MGAT4C: variants seen among roughly 807,000 people sequenced by gnomAD.
MGAT4C encodes alpha-1,3-mannosyl-glycoprotein 4-beta-N-acetylglucosaminyltransferase C.
A neutral mutation model predicts 40.1 loss-of-function variants in MGAT4C; 19 were observed. The observed-to-expected ratio is 0.47, with a 90% CI of 0.33 to 0.70. MGAT4C has a LOEUF of 0.70. MGAT4C is among the 30% of genes least tolerant of loss of function. MGAT4C has a pLI of 0.02. For synonymous variants in MGAT4C, 181 were observed against 187.1 expected (o/e 0.97, Z 0.27); for missense variants, 491 against 563.2 (o/e 0.87, Z 1.30).
At chr12:86,209,977 A>T (rs1378461994) in intron 1 of MGAT4C, among the ~76,000 whole-genome samples, 1 of 152,162 alleles carries the variant, frequency 6.6e-6, no homozygotes, top group Non-Finnish European at 1.5e-5. Flanking sequence ...TTGCCTCTTA[A>T]TAATTATACA....
intron 1 of MGAT4C, among the ~76,000 whole-genome samples, chr12:86,229,411 G>A (rs549602716): frequency 3.9e-5 from 6 of 151,918 alleles, no homozygotes; most frequent in Non-Finnish European, 8.8e-5. Context: ...AATATAGAAA[G>A]TATAAGATAT....
chr12:86,064,496 A>C (rs1244313748), intron 1 of MGAT4C, among the ~76,000 whole-genome samples: 1 of 152,242 alleles, frequency 6.6e-6, no homozygotes, highest in Non-Finnish European at 1.5e-5. Context: ...GACAGAAATA[A>C]AGATGTTCTT....
At chr12:86,129,230 G>C (rs950144973) in intron 1 of MGAT4C, among the ~76,000 whole-genome samples, 7 of 152,008 alleles carry the variant, frequency 4.6e-5, no homozygotes, top group South Asian at 4.2e-4. Context: ...TTCGTGGGGT[G>C]GGGGGAGATC....
At chr12:86,336,705 C>A (rs1954799068) in intron 3 of MGAT4C, among the ~76,000 whole-genome samples, 1 of 151,936 alleles carries the variant, frequency 6.6e-6, no homozygotes, top group African/African-American at 2.4e-5. Flanking sequence ...ATGTGAAAAC[C>A]TAGAAAGAAG....
At chr12:86,757,443 T>C (rs1274177268) in intron 1 of MGAT4C, among the ~76,000 whole-genome samples, 1 of 152,136 alleles carries the variant, frequency 6.6e-6, no homozygotes, top group Non-Finnish European at 1.5e-5. Context: ...ATAGCCTATG[T>C]TTTTTTCACC....
chr12:86,535,386 T>C (rs562666374), intron 2 of MGAT4C, among the ~76,000 whole-genome samples: 2 of 152,188 alleles, frequency 1.3e-5, no homozygotes, highest in East Asian at 1.9e-4. Context: ...AATAGAGTAA[T>C]GCAATGTCAT....
At chr12:86,636,561 C>A (rs778325611) in intron 2 of MGAT4C, among the ~76,000 whole-genome samples, 2 of 151,960 alleles carry the variant, frequency 1.3e-5, no homozygotes, top group African/African-American at 2.4e-5. Flanking sequence ...CTTGCTTTTT[C>A]TCTCTATGCT....
chr12:86,709,135 A>G (rs1383062658), intron 2 of MGAT4C, among the ~76,000 whole-genome samples: 1 of 152,126 alleles, frequency 6.6e-6, no homozygotes, highest in Admixed American at 6.6e-5. Flanking sequence ...TCATGGGGAC[A>G]GGTCTTTCCC....
intron 2 of MGAT4C, among the ~76,000 whole-genome samples, chr12:85,990,736 T>C (rs1356452758): frequency 6.6e-6 from 1 of 152,220 alleles, no homozygotes; most frequent in African/African-American, 2.4e-5. Flanking sequence ...ATGAAAGTGC[T>C]ATACATATTA....
chr12:86,473,973 G>T (rs1324502273), intron 2 of MGAT4C, among the ~76,000 whole-genome samples: 1 of 152,022 alleles, frequency 6.6e-6, no homozygotes, highest in African/African-American at 2.4e-5. Flanking sequence ...TTGTGTCACA[G>T]ATTTTTTGTT....
intron 2 of MGAT4C, among the ~76,000 whole-genome samples, chr12:86,661,735 C>T (rs1374526855): frequency 1.3e-5 from 2 of 151,970 alleles, no homozygotes; most frequent in African/African-American, 2.4e-5. Flanking sequence ...CACTTGAGGT[C>T]AGGTTCGAGA....
At chr12:86,533,610 C>T (rs1262362070) in intron 2 of MGAT4C, among the ~76,000 whole-genome samples, 1 of 151,416 alleles carries the variant, frequency 6.6e-6, no homozygotes, top group African/African-American at 2.4e-5. Flanking sequence ...ATTATTTATA[C>T]ACACTATGTA....
rs1479595272 is a variant in MGAT4C at position 85,974,444 on chromosome 12, A to T, written c.*4845T>A. ...ACTTACACAACACATATACAAATACATACATGTATATATGTATATATATAC... is the reference window on the plus strand; with the variant it reads ...ACTTACACAACACATATACAAATACTTACATGTATATATGTATATATATAC... On this transcript the variant is annotated 3_prime_UTR_variant, in exon 5 of 5. Transcript: ENST00000611864. The T allele has an allele frequency of 2.0e-5, 3 of 150,652 alleles. No homozygotes were observed. Among genetic ancestry groups the T allele is most frequent in the Non-Finnish European group, 4.5e-5 (3 of 66,984 alleles). 9.3% of individuals were successfully genotyped at this position (150,652 alleles called of 1,614,324 possible).
At chr12:86,424,958 G>A (rs564255369) in intron 3 of MGAT4C, among the ~76,000 whole-genome samples, 21 of 151,946 alleles carry the variant, frequency 1.4e-4, no homozygotes, top group African/African-American at 4.4e-4. Flanking sequence ...GGGTTTCACC[G>A]TGTTAGCCAG....
In MGAT4C at chr12:86,181,763, G is replaced by A. The variant is rs185307049; in HGVS notation, c.-57+74476C>T. ...GTTTAAAATTTTGCTCATGTTTTTC[G>A]TTTCAGCAAATAAAAGCAATAGGTC... On this transcript the variant is annotated intron_variant, in intron 1 of 4. Transcript: ENST00000611864. Among the ~76,000 whole-genome samples, 287 of 151,884 alleles carry A rather than the reference G, an allele frequency of 1.9e-3. 1 individual carries two copies. Among genetic ancestry groups the A allele is most frequent in the African/African-American group, 6.2e-3 (259 of 41,474 alleles).
intron 3 of MGAT4C, among the ~76,000 whole-genome samples, chr12:86,424,887 G>C (rs1270367592): frequency 6.6e-6 from 1 of 152,084 alleles, no homozygotes; most frequent in Non-Finnish European, 1.5e-5. Flanking sequence ...CTCCCGAGTA[G>C]CTGGGACTAC....
At chr12:86,579,919 T>C (rs1451109333) in intron 2 of MGAT4C, among the ~76,000 whole-genome samples, 3 of 151,622 alleles carry the variant, frequency 2.0e-5, no homozygotes, top group Non-Finnish European at 4.4e-5. Context: ...GTCAAATGTA[T>C]TGAAGCCCCA....
intron 3 of MGAT4C, among the ~76,000 whole-genome samples, chr12:86,429,196 T>C (rs988589950): frequency 6.6e-6 from 1 of 152,200 alleles, no homozygotes; most frequent in Non-Finnish European, 1.5e-5. Flanking sequence ...TAAAACATTT[T>C]CATTTTGATT....
intron 3 of MGAT4C, among the ~76,000 whole-genome samples, chr12:86,404,724 A>G (rs2136239190): frequency 6.6e-6 from 1 of 152,306 alleles, no homozygotes; most frequent in African/African-American, 2.4e-5. Flanking sequence ...TAAAAAGAAA[A>G]GAAAAGTCTG....
Sources: gnomAD v4.1 joint callset for allele counts (sites outside exome capture counted in the v4.1 genomes callset) on GRCh38, gnomAD v4.1.1 for gene constraint, MANE v1.5 for transcripts, NCBI Gene and HGNC (gene_info 2026-07-23, HGNC 2026-07-21) for gene names.